The following FBXO46 variants were observed in gnomAD, a reference collection of about 807,000 sequenced individuals.
FBXO46 encodes F-box only protein 46.
FBXO46 carries 13 observed loss-of-function variants against 30.7 expected under a neutral mutation model. The observed-to-expected ratio is 0.42, with a 90% CI of 0.28 to 0.67. The LOEUF is 0.67. Ranked by LOEUF, FBXO46 falls within the 30% of genes least tolerant of loss-of-function variation. The pLI, the probability that FBXO46 is intolerant of heterozygous loss-of-function variation, is 0.21. For synonymous variants in FBXO46, 467 were observed against 385.8 expected, an observed-to-expected ratio of 1.21 and a Z score of -2.47; for missense variants, 754 against 871.5, an observed-to-expected ratio of 0.87 and a Z score of 1.70.
At chr19:45,729,678 T>G (rs1306370544) in intron 1 of FBXO46, among the ~76,000 whole-genome samples, 3 of 152,232 alleles carry the variant, frequency 2.0e-5, no homozygotes, top group African/African-American at 7.2e-5. Context: ...TTCTGCTTCC[T>G]TTCTGTAAAA....
chr19:45,727,717 A>G (rs767509710), intron 1 of FBXO46, among the ~76,000 whole-genome samples: 3 of 152,184 alleles, frequency 2.0e-5, no homozygotes, highest in Non-Finnish European at 4.4e-5. Context: ...TAAGCCCAGA[A>G]AGCTCACAAT....
chr19:45,722,679 G>A (rs1025667362), intron 1 of FBXO46, among the ~76,000 whole-genome samples: 3 of 151,718 alleles, frequency 2.0e-5, no homozygotes, highest in East Asian at 1.9e-4. Flanking sequence ...GGAGAATGGC[G>A]TGAACCCGGG....
Position 45,712,912 on chromosome 19 carries a change from G to A in FBXO46, c.584C>T (p.Thr195Ile), listed in dbSNP as rs1968017798. The change falls in exon 2 of 2, where the codon ACC becomes ATC. Residue 195 changes from threonine to isoleucine, a missense_variant. Physicochemically the swap from Thr to Ile is moderately conservative, Grantham distance 89. Around this residue, in one of 5 missense-constraint regions of FBXO46, gnomAD observed 454 missense variants for 426.5 expected, o/e 1.06. Coordinates refer to ENST00000317683, the MANE Select transcript of FBXO46 (RefSeq NM_001080469.2). The surrounding 1 kb of genome is among the most constrained non-coding windows in gnomAD (Gnocchi z 8.8). ...GGACACAAAGACTACAGGCGCTGGG[G>A]TGGTCGGTCGTGGGTAGCTCTGCAG... ...LALQSYPRPT[T>I]PAPVVFVSAE... The A allele has an allele frequency of 3.7e-6, 6 of 1,609,452 alleles. No individual in the cohort carries two copies. The highest frequency in any genetic ancestry group is 5.1e-6 in the Non-Finnish European group (6 of 1,178,180).
chr19:45,716,394 C>T (rs1406555517), intron 1 of FBXO46: 1 of 151,886 alleles, frequency 6.6e-6, no homozygotes, highest in African/African-American at 2.4e-5. Context: ...TTACCCCCAG[C>T]ATCTCAATGT....
At chr19:45,725,639 T>A (rs1397714833) in intron 1 of FBXO46, among the ~76,000 whole-genome samples, 1 of 151,752 alleles carries the variant, frequency 6.6e-6, no homozygotes, top group Non-Finnish European at 1.5e-5. Flanking sequence ...AAGGCTGAGG[T>A]GGGAGGATGG....
rs149293480 is a variant in FBXO46, at chr19:45,727,134, A to G, written c.-79+3715T>C. On this transcript the variant is annotated intron_variant, in intron 1 of 1. Coordinates refer to ENST00000317683, the MANE Select transcript of FBXO46 (RefSeq NM_001080469.2). ...TGTGGTGACACACGCTTGTAGTCCC[A>G]GCTACTCAGGAGGCTGAGGTGGGAG... Among the ~76,000 whole-genome samples the G allele has an allele frequency of 2.6e-3, 399 of 152,172 alleles. 4 individuals are homozygous for G. The highest frequency in any genetic ancestry group is 8.7e-3 in the African/African-American group (363 of 41,528).
Position 45,712,551 on chromosome 19 carries a change from C to A in FBXO46, c.945G>T (p.Ser315=). 5 of 1,596,920 alleles carry A rather than the reference C, an allele frequency of 3.1e-6. No individual in the cohort carries two copies. Among genetic ancestry groups the A allele is most frequent in the Non-Finnish European group, 4.3e-6 (5 of 1,170,576 alleles). The change falls in exon 2 of 2, where the codon TCG becomes TCT. Residue 315 remains serine, a synonymous_variant. Transcript: ENST00000317683. The surrounding 1 kb of genome is among the most constrained non-coding windows in gnomAD (Gnocchi z 8.8). ...CCACGTTGCTGGGGAGGGCATCCCG[C>A]GAGGGGCTGATGAGCTGGTATAAGT... ...TCDLYQLISP[S]RDALPSNVEF...
At chr19:45,730,342 C>G (rs1191085895) in intron 1 of FBXO46, among the ~76,000 whole-genome samples, 4 of 152,002 alleles carry the variant, frequency 2.6e-5, no homozygotes, top group Non-Finnish European at 5.9e-5. Context: ...ACCCCACCCT[C>G]AGTCCTGGAG....
At chr19:45,721,014 A>T (rs1387888516) in intron 1 of FBXO46, among the ~76,000 whole-genome samples, 1 of 147,964 alleles carries the variant, frequency 6.8e-6, no homozygotes, top group Non-Finnish European at 1.5e-5. Flanking sequence ...AAAAAAAAAA[A>T]AAAGAAGTGA....
chr19:45,719,859 G>A (rs1191492218), intron 1 of FBXO46, among the ~76,000 whole-genome samples: 1 of 152,140 alleles, frequency 6.6e-6, no homozygotes, highest in Non-Finnish European at 1.5e-5. Context: ...GTCAATACTC[G>A]AGCACTCTAC....
intron 1 of FBXO46, among the ~76,000 whole-genome samples, chr19:45,718,507 T>C (rs1186347852): frequency 2.0e-5 from 3 of 152,136 alleles, no homozygotes; most frequent in Admixed American, 6.5e-5. Flanking sequence ...TCCTCAAAGT[T>C]ACCGGGCTCT....
chr19:45,713,419 C>G lies in FBXO46; in HGVS notation c.77G>C (p.Arg26Pro). Residue 26 changes from arginine (R) to proline (P), a missense_variant, in exon 2 of 2, where the codon CGC becomes CCC. This residue lies in a region of FBXO46 where 97 missense variants were observed against 113.0 expected (regional missense o/e 0.86). Coordinates refer to ENST00000317683, the MANE Select transcript of FBXO46 (RefSeq NM_001080469.2). This position sits in a 1 kb window ranked among gnomAD's most constrained non-coding sequence, Gnocchi z 4.7. ...TGGCTTGAGGGCCGCAGAAGGCGGGCGTGGCTGGTTCTGTGAGTAGGTGCC... is the reference window on the plus strand; with the variant it reads ...TGGCTTGAGGGCCGCAGAAGGCGGGGGTGGCTGGTTCTGTGAGTAGGTGCC... The part of the protein sequence containing the change: ...PFGTYSQNQP[R>P]PPSAALKPSA... The G allele has an allele frequency of 6.2e-7, 1 of 1,606,554 alleles. No homozygotes were observed. The highest frequency in any genetic ancestry group is 1.8e-4 in the Middle Eastern group (1 of 5,638).
At chr19:45,721,037 A>C (rs1418219102) in intron 1 of FBXO46, among the ~76,000 whole-genome samples, 2 of 151,486 alleles carry the variant, frequency 1.3e-5, no homozygotes, top group African/African-American at 4.9e-5. Flanking sequence ...CGGGGAAAAA[A>C]ACAACAGAAT....
Position 45,712,978 on chromosome 19 carries a change from G to A in FBXO46, c.518C>T (p.Ala173Val). The change falls in exon 2 of 2, where the codon GCC becomes GTC. Residue 173 changes from alanine (A) to valine (V), a missense_variant. Ala to Val is a moderately conservative substitution (Grantham distance 64). Around this residue, in one of 5 missense-constraint regions of FBXO46, gnomAD observed 454 missense variants for 426.5 expected, o/e 1.06. Coordinates refer to ENST00000317683, the MANE Select transcript of FBXO46 (RefSeq NM_001080469.2). The surrounding 1 kb of genome is among the most constrained non-coding windows in gnomAD (Gnocchi z 8.8). ...AGEDVDLLSV[A>V]EMVALVEQRA... The stretch of plus-strand genomic sequence containing the variant: ...CTGTTCCACCAGGGCCACCATCTCG[G>A]CCACAGAGAGCAGGTCCACGTCCTC... 1.9e-6 allele frequency: 3 copies of A among 1,576,300 alleles called. No individual in the cohort carries two copies. Among genetic ancestry groups the A allele is most frequent in the Non-Finnish European group, 2.6e-6 (3 of 1,160,418 alleles).
At chr19:45,717,707 G>C (rs941023821) in intron 1 of FBXO46, among the ~76,000 whole-genome samples, 1 of 151,366 alleles carries the variant, frequency 6.6e-6, no homozygotes, top group Non-Finnish European at 1.5e-5. Context: ...CAGGCAGCCC[G>C]GGGATTAAGA....
At position 45,712,630 on chromosome 19, in the gene FBXO46, G is replaced by A. The variant is rs768312189; in HGVS notation, c.866C>T (p.Ala289Val). 6.2e-7 allele frequency: 1 copy of A among 1,601,932 alleles called. No homozygotes were observed. The highest frequency in any genetic ancestry group is 2.2e-5 in the East Asian group (1 of 44,712). Reference sequence around the variant, plus strand: ...CCCAGGACCTGGGCTGCCAGGGTAGGCACAACCAGGCCTGCCCCCGCCCCC... The same window carrying A: ...CCCAGGACCTGGGCTGCCAGGGTAGACACAACCAGGCCTGCCCCCGCCCCC... ...PSGGGGRPGC[A>V]YPGSPGPGAR... The change falls in exon 2 of 2, where the codon GCC (alanine) becomes GTC (valine). Residue 289 changes from alanine to valine, a missense_variant. Around this residue, in one of 5 missense-constraint regions of FBXO46, gnomAD observed 454 missense variants for 426.5 expected, o/e 1.06. Transcript: ENST00000317683. The surrounding 1 kb of genome is among the most constrained non-coding windows in gnomAD (Gnocchi z 8.8).
In FBXO46 at chr19:45,711,600, C is replaced by A. The variant is rs1967966345; in HGVS notation, c.*84G>T. ...ATGCTGCCTGGAGTAGGGGAATGGG[C>A]AGGCGGCCCAGTCCGGACCCTCGGC... On this transcript the variant is annotated 3_prime_UTR_variant, in exon 2 of 2. Transcript: ENST00000317683. The A allele has an allele frequency of 9.5e-7, 1 of 1,057,020 alleles. No homozygotes were observed. Among genetic ancestry groups the A allele is most frequent in the Non-Finnish European group, 1.4e-6 (1 of 710,070 alleles). The allele number at this position is 1,057,020 out of a possible 1,614,324, so 65.5% of individuals were successfully genotyped here. A position where few individuals can be genotyped will look rare whatever the true frequency, so the allele number is the denominator to read the frequency against.
At chr19:45,722,360 G>A (rs549376858) in intron 1 of FBXO46, among the ~76,000 whole-genome samples, 1 of 152,270 alleles carries the variant, frequency 6.6e-6, no homozygotes, top group African/African-American at 2.4e-5. Flanking sequence ...CCTCAGGCAG[G>A]TTTTTCAGCC....
rs1967990667 is a variant in FBXO46, at chr19:45,712,281, C to T, written c.1215G>A (p.Pro405=). 2.5e-6 allele frequency: 4 copies of T among 1,603,386 alleles called. No individual in the cohort carries two copies. The highest frequency in any genetic ancestry group is 1.7e-4 in the Middle Eastern group (1 of 6,058). Residue 405 remains proline, a synonymous_variant, in exon 2 of 2, where the codon CCG becomes CCA. Coordinates refer to ENST00000317683, the MANE Select transcript of FBXO46 (RefSeq NM_001080469.2). This position sits in a 1 kb window ranked among gnomAD's most constrained non-coding sequence, Gnocchi z 8.8. ...GGTTCTGGAGAAAGAAGAGCTGGCC[C>T]GGAGGCGGCGGTTCCTCCGGGCTGA... ...LTVSPEEPPP[P]GQLFFLQNRG...
Sources: gnomAD v4.1 joint callset for allele counts (sites outside exome capture counted in the v4.1 genomes callset) on GRCh38, gnomAD v4.1.1 for gene constraint, gnomAD v4.1.1 regional missense constraint, Gnocchi (gnomAD v3.1) non-coding constraint, MANE v1.5 for transcripts, NCBI Gene and HGNC (gene_info 2026-07-23, HGNC 2026-07-21) for gene names.